The following FSTL5 variants were observed in gnomAD, a reference collection of about 807,000 sequenced individuals.
FSTL5 encodes follistatin like 5, also known as follistatin-related protein 5.
FSTL5 carries 62 observed loss-of-function variants against 89.1 expected under a neutral mutation model. That is an observed-to-expected ratio of 0.70 (90% CI 0.57 to 0.86). The LOEUF is 0.86. Ranked by LOEUF, FSTL5 falls within the 40% of genes least tolerant of loss-of-function variation. The pLI is 0.00. For synonymous variants in FSTL5, 383 were observed against 346.2 expected, an observed-to-expected ratio of 1.11 and a Z score of -1.18; for missense variants, 1,057 against 1,001.6, an observed-to-expected ratio of 1.06 and a Z score of -0.75.
intron 6 of FSTL5, among the ~76,000 whole-genome samples, chr4:161,731,291 G>C (rs996885223): frequency 3.3e-5 from 5 of 152,028 alleles, no homozygotes; most frequent in African/African-American, 1.2e-4. Context: ...CACCTTCCCA[G>C]ACAAACACTG....
rs1337591507 is a variant in FSTL5 at position 161,992,882 on chromosome 4, ATATATATATATATATGTG to A, written c.160+40725_160+40742del. Among the ~76,000 whole-genome samples, 103 of 19,958 alleles carry A rather than the reference ATATATATATATATATGTG, an allele frequency of 5.2e-3. 1 individual carries two copies. The highest frequency in any genetic ancestry group is 0.013 in the African/African-American group (99 of 7,858). 13.1% of individuals were successfully genotyped at this position (19,958 alleles called of 152,430 possible). On this transcript the variant is annotated intron_variant, in intron 3 of 15. Coordinates refer to ENST00000306100, the MANE Select transcript of FSTL5 (RefSeq NM_020116.5). ...AAAAAATATATATATATATATATAT[ATATATATATATATATGTG>A]TGTGTATATATATATATATATATAT...
intron 12 of FSTL5, chr4:161,495,485 G>A (rs183343146): frequency 6.6e-6 from 1 of 152,074 alleles, no homozygotes; most frequent in Admixed American, 6.6e-5. Flanking sequence ...GTACAACTAG[G>A]ATAAATATAG....
chr4:161,516,102 CAT>C (rs1448189589), intron 10 of FSTL5, among the ~76,000 whole-genome samples: 1 of 148,326 alleles, frequency 6.7e-6, no homozygotes, highest in East Asian at 1.9e-4. Context: ...AAATTAAAAA[CAT>C]AATGTATTAT....
chr4:162,028,441 C>A lies in FSTL5; in HGVS notation c.160+5184G>T, dbSNP rs150161566. Among the ~76,000 whole-genome samples, 3 of 152,080 alleles carry A rather than the reference C, an allele frequency of 2.0e-5. No homozygotes were observed. In the East Asian group the frequency reaches 5.8e-4, roughly 30 times the overall value. The stretch of plus-strand genomic sequence containing the variant: ...AAAATACAAAAATTAGCCAGGGGTG[C>A]TGGCACGCATTTGTAATCCCAGCTA... On this transcript the variant is annotated intron_variant, in intron 3 of 15. Coordinates refer to ENST00000306100, the MANE Select transcript of FSTL5 (RefSeq NM_020116.5).
At chr4:161,551,989 G>A (rs896496129) in intron 8 of FSTL5, among the ~76,000 whole-genome samples, 1 of 151,722 alleles carries the variant, frequency 6.6e-6, no homozygotes. Context: ...GACAAATGGG[G>A]TCTAATTAAA....
intron 4 of FSTL5, among the ~76,000 whole-genome samples, chr4:161,805,091 C>A (rs1465773148): frequency 2.0e-5 from 3 of 152,038 alleles, no homozygotes; most frequent in African/African-American, 7.2e-5. Context: ...CAGCAGCTCA[C>A]CATTGTTTCA....
rs147808687 is a variant in FSTL5, at chr4:161,528,356, T to C, written c.1312+9810A>G. On this transcript the variant is annotated intron_variant, in intron 10 of 15. Coordinates refer to ENST00000306100, the MANE Select transcript of FSTL5 (RefSeq NM_020116.5). ...ATTTAACAACATTTCATGTTTAACA[T>C]AAATATAAAATGCACATATAGTTGG... Among the ~76,000 whole-genome samples the C allele has an allele frequency of 4.1e-3, 593 of 143,370 alleles. 82 individuals carry two copies. Among genetic ancestry groups the C allele is most frequent in the Non-Finnish European group, 7.1e-3 (461 of 65,298 alleles). The allele number at this position is 143,370 out of a possible 152,430, so 94.1% of individuals were successfully genotyped here. A position where few individuals can be genotyped will look rare whatever the true frequency, so the allele number is the denominator to read the frequency against.
At chr4:161,572,316 T>C (rs1384822097) in intron 8 of FSTL5, among the ~76,000 whole-genome samples, 1 of 76,766 alleles carries the variant, frequency 1.3e-5, no homozygotes, top group Non-Finnish European at 2.2e-5. Flanking sequence ...TGAGACTCCG[T>C]CTAAAAAAAA....
At chr4:161,565,742 GACAC>G (rs145835055) in intron 8 of FSTL5, among the ~76,000 whole-genome samples, 7,413 of 133,570 alleles carry the variant, frequency 0.055, 277 homozygotes, top group East Asian at 0.14. Context: ...TATAACTTGA[GACAC>G]ACACACACAC....
chr4:161,805,771 G>A (rs2126834134), intron 4 of FSTL5, among the ~76,000 whole-genome samples: 1 of 152,146 alleles, frequency 6.6e-6, no homozygotes, highest in South Asian at 2.1e-4. Flanking sequence ...TCAGAGGGAG[G>A]CTTTGGAGAC....
chr4:161,838,087 C>G (rs1055113236), intron 4 of FSTL5, among the ~76,000 whole-genome samples: 6 of 152,024 alleles, frequency 3.9e-5, no homozygotes, highest in Non-Finnish European at 8.8e-5. Context: ...AATTTTCACA[C>G]AGATATGAAT....
intron 4 of FSTL5, among the ~76,000 whole-genome samples, chr4:161,848,100 T>C (rs1358267653): frequency 2.7e-5 from 4 of 146,408 alleles, no homozygotes; most frequent in African/African-American, 1.0e-4. Flanking sequence ...TCTTTCATGA[T>C]GTCTTGTTTT....
chr4:162,017,807 A>G (rs1736955740), intron 3 of FSTL5, among the ~76,000 whole-genome samples: 1 of 152,186 alleles, frequency 6.6e-6, no homozygotes, highest in African/African-American at 2.4e-5. Context: ...ATCTCACGTA[A>G]GTCATGGTTC....
chr4:162,004,276 G>T (rs532341517), intron 3 of FSTL5, among the ~76,000 whole-genome samples: 3 of 152,238 alleles, frequency 2.0e-5, no homozygotes, highest in South Asian at 4.1e-4. Flanking sequence ...CTAGTCAAAA[G>T]TATAATAGCT....
Position 161,486,165 on chromosome 4 carries a change from A to AT in FSTL5, c.1459-4997_1459-4996insA, listed in dbSNP as rs201126683. ...TCTCAAAAAAAAAAAAAAAAAAAAA[A>AT]GTAAATATCTGGTTCTCTGCGTAAT... is the stretch of plus-strand genomic sequence containing the variant. On this transcript the variant is annotated intron_variant, in intron 12 of 15. Transcript: ENST00000306100. Among the ~76,000 whole-genome samples, 247 of 147,376 alleles carry AT rather than the reference A, an allele frequency of 1.7e-3. 7 individuals are homozygous for AT. The highest frequency in any genetic ancestry group is 3.5e-3 in the Middle Eastern group (1 of 288).
At chr4:161,804,072 A>G in intron 4 of FSTL5, among the ~76,000 whole-genome samples, 1 of 151,986 alleles carries the variant, frequency 6.6e-6, no homozygotes, top group Non-Finnish European at 1.5e-5. Flanking sequence ...TGGTTCTTAC[A>G]CGTGGCACAT....
chr4:161,682,828 C>A (rs971092090), intron 6 of FSTL5, among the ~76,000 whole-genome samples: 1 of 152,012 alleles, frequency 6.6e-6, no homozygotes, highest in East Asian at 1.9e-4. Flanking sequence ...CTCACTGCAA[C>A]CTCCTCCTCC....
In FSTL5 at chr4:161,409,291, A is replaced by C. The variant is rs113803051; in HGVS notation, c.1842-22842T>G. Among the ~76,000 whole-genome samples the C allele has an allele frequency of 2.9e-3, 440 of 152,298 alleles. 3 individuals are homozygous for C. Among genetic ancestry groups the C allele is most frequent in the Non-Finnish European group, 4.5e-3 (309 of 68,022 alleles). ...TTAAAGAAAAGAAATTTCAATCAAG[A>C]ATTTCATATCCTGCCAAACTAAGCA... On this transcript the variant is annotated intron_variant, in intron 15 of 15. Transcript: ENST00000306100.
At chr4:161,977,552 G>T (rs1269758202) in intron 3 of FSTL5, among the ~76,000 whole-genome samples, 1 of 147,170 alleles carries the variant, frequency 6.8e-6, no homozygotes, top group Non-Finnish European at 1.5e-5. Flanking sequence ...GGCGGAGCTT[G>T]CAGTGAGCCG....
Sources: gnomAD v4.1 joint callset for allele counts (sites outside exome capture counted in the v4.1 genomes callset) on GRCh38, gnomAD v4.1.1 for gene constraint, MANE v1.5 for transcripts, NCBI Gene and HGNC (gene_info 2026-07-23, HGNC 2026-07-21) for gene names.